The following NCAM2 variants were observed in gnomAD, a reference collection of about 807,000 sequenced individuals.
The protein encoded by NCAM2 is neural cell adhesion molecule 2.
In NCAM2, 30 loss-of-function variants were observed where a neutral mutation model predicts 98.1. The ratio of observed to expected loss-of-function variants is 0.31; its 90% CI spans 0.23 to 0.41. NCAM2 has a LOEUF of 0.41. Ranked by LOEUF, NCAM2 falls within the 10% of genes least tolerant of loss-of-function variation. NCAM2 has a pLI of 1.00. For missense variants in NCAM2, 867 were observed against 1,005.8 expected (o/e 0.86, Z 1.87); for synonymous variants, 368 against 342.4 (o/e 1.07, Z -0.83).
intron 8 of NCAM2, among the ~76,000 whole-genome samples, chr21:21,354,671 A>G (rs538020823): frequency 6.6e-6 from 1 of 152,212 alleles, no homozygotes; most frequent in Non-Finnish European, 1.5e-5. Context: ...TGAGTGGGAC[A>G]TGTTTAAAGA....
At chr21:21,125,710 T>TAGAGAGAG (rs1239749765) in intron 1 of NCAM2, among the ~76,000 whole-genome samples, 72 of 32,288 alleles carry the variant, frequency 2.2e-3, no homozygotes, top group Admixed American at 0.021. Context: ...TACATATATA[T>TAGAGAGAG]ATATAGAGAG....
At chr21:21,439,230 TGCCTCA>T (rs1311618091) in intron 12 of NCAM2, among the ~76,000 whole-genome samples, 1 of 151,948 alleles carries the variant, frequency 6.6e-6, no homozygotes, top group East Asian at 1.9e-4. Context: ...GCAATTCTCC[TGCCTCA>T]GCCTCCTGAG....
At chr21:21,379,996 G>T (rs1441366061) in intron 9 of NCAM2, among the ~76,000 whole-genome samples, 2 of 152,030 alleles carry the variant, frequency 1.3e-5, no homozygotes, top group Non-Finnish European at 2.9e-5. Flanking sequence ...GGGCGGCTAG[G>T]CCAGTCTAGT....
chr21:21,186,608 T>G (rs2068648001), intron 1 of NCAM2, among the ~76,000 whole-genome samples: 1 of 152,146 alleles, frequency 6.6e-6, no homozygotes, highest in African/African-American at 2.4e-5. Flanking sequence ...ATGTAAGTGT[T>G]TAAAATAATT....
intron 5 of NCAM2, among the ~76,000 whole-genome samples, chr21:21,311,497 C>G (rs4468900): frequency 6.6e-6 from 1 of 151,914 alleles, no homozygotes. Flanking sequence ...CCCGCCACCA[C>G]GCCCAGCTAA....
At chr21:21,384,542 G>A (rs536652951) in intron 9 of NCAM2, among the ~76,000 whole-genome samples, 4 of 151,820 alleles carry the variant, frequency 2.6e-5, no homozygotes, top group South Asian at 4.1e-4. Flanking sequence ...TCTACCTCAC[G>A]TTTCCAAACT....
At chr21:21,075,078 A>G (rs747698106) in intron 1 of NCAM2, among the ~76,000 whole-genome samples, 11 of 152,170 alleles carry the variant, frequency 7.2e-5, no homozygotes, top group Non-Finnish European at 1.5e-4. Flanking sequence ...TCAGCAAACT[A>G]ACACAGGGAC....
At chr21:21,496,047 C>T (rs1460725017) in intron 15 of NCAM2, among the ~76,000 whole-genome samples, 2 of 148,122 alleles carry the variant, frequency 1.4e-5, no homozygotes, top group Non-Finnish European at 3.0e-5. Context: ...GAAAACATGC[C>T]CTTTAACAAA....
intron 1 of NCAM2, among the ~76,000 whole-genome samples, chr21:21,137,628 G>A (rs1036435788): frequency 1.3e-5 from 2 of 152,116 alleles, no homozygotes; most frequent in African/African-American, 4.8e-5. Context: ...CATGGTGGTG[G>A]ATGCCTGTAA....
intron 15 of NCAM2, among the ~76,000 whole-genome samples, chr21:21,492,240 A>G (rs961304269): frequency 6.6e-6 from 1 of 151,830 alleles, no homozygotes; most frequent in Non-Finnish European, 1.5e-5. Context: ...GTATTACACT[A>G]AATCAAAGTT....
In NCAM2 at chr21:21,135,951, T is replaced by G. The variant is rs1435500508; in HGVS notation, c.55+137333T>G. On this transcript the variant is annotated intron_variant, in intron 1 of 17. Transcript: ENST00000400546. ...TGTCCCATGTATTTAAAAAAAATTGTTATGACATCATTTGACTTCTAGTTA... is the reference window on the plus strand; with the variant it reads ...TGTCCCATGTATTTAAAAAAAATTGGTATGACATCATTTGACTTCTAGTTA... 4.6e-5 allele frequency among the ~76,000 whole-genome samples: 7 copies of G among 152,082 alleles called. No individual in the cohort carries two copies. In the East Asian group the frequency reaches 1.3e-3, roughly 29 times the overall value.
chr21:21,124,099 GGC>G (rs2066737342), intron 1 of NCAM2, among the ~76,000 whole-genome samples: 1 of 151,716 alleles, frequency 6.6e-6, no homozygotes, highest in Non-Finnish European at 1.5e-5. Context: ...GGCCCACCTC[GGC>G]GTCCCATAAT....
chr21:21,425,961 G>A (rs1323190815), intron 11 of NCAM2, among the ~76,000 whole-genome samples: 1 of 152,106 alleles, frequency 6.6e-6, no homozygotes, highest in Non-Finnish European at 1.5e-5. Flanking sequence ...GGAAATTCAA[G>A]ATCAAGGCAC....
chr21:21,085,130 T>A (rs967921598), intron 1 of NCAM2, among the ~76,000 whole-genome samples: 1 of 152,100 alleles, frequency 6.6e-6, no homozygotes, highest in Non-Finnish European at 1.5e-5. Flanking sequence ...TTAAAGCCTG[T>A]ACAAAAATCT....
intron 15 of NCAM2, among the ~76,000 whole-genome samples, chr21:21,497,888 T>TA (rs1327248004): frequency 2.0e-5 from 3 of 152,156 alleles, no homozygotes; most frequent in African/African-American, 7.2e-5. Flanking sequence ...AGCCTTTTTT[T>TA]ATTTATTTAA....
At chr21:21,263,200 A>G (rs1350536444) in intron 1 of NCAM2, among the ~76,000 whole-genome samples, 2 of 152,146 alleles carry the variant, frequency 1.3e-5, no homozygotes, top group African/African-American at 4.8e-5. Context: ...TTGCATTTCT[A>G]TATGCCAACA....
At position 21,410,495 on chromosome 21, in the gene NCAM2, T is replaced by C. The variant is rs756345251; in HGVS notation, c.1383+34T>C. On this transcript the variant is annotated intron_variant, in intron 10 of 17. Coordinates refer to ENST00000400546, the MANE Select transcript of NCAM2 (RefSeq NM_004540.5). Reference sequence around the variant, plus strand: ...ACATGTATACATCAATAAATTGTATTATTTTAACAACTATCTACTATTTCA... The same window carrying C: ...ACATGTATACATCAATAAATTGTATCATTTTAACAACTATCTACTATTTCA... The C allele has an allele frequency of 4.1e-6, 5 of 1,225,856 alleles. No homozygotes were observed. In the African/African-American group the frequency reaches 7.8e-5, roughly 19 times the overall value. 75.9% of individuals were successfully genotyped at this position (1,225,856 alleles called of 1,614,324 possible). A position where few individuals can be genotyped will look rare whatever the true frequency, so the allele number is the denominator to read the frequency against.
chr21:21,537,808 AC>A (rs781296043), intron 17 of NCAM2, 37 bp from the exon 18 acceptor site: 24 of 1,115,692 alleles, frequency 2.2e-5, no homozygotes, highest in Non-Finnish European at 3.0e-5. Flanking sequence ...CTCCTTAAAT[AC>A]CTCAGAAAAT....
At chr21:21,512,460 T>C (rs1988449307) in intron 16 of NCAM2, among the ~76,000 whole-genome samples, 1 of 152,226 alleles carries the variant, frequency 6.6e-6, no homozygotes, top group South Asian at 2.1e-4. Context: ...TCTGTTTTTA[T>C]GCCAGTAGCA....
Sources: gnomAD v4.1 joint callset for allele counts (sites outside exome capture counted in the v4.1 genomes callset) on GRCh38, gnomAD v4.1.1 for gene constraint, MANE v1.5 for transcripts, NCBI Gene and HGNC (gene_info 2026-07-23, HGNC 2026-07-21) for gene names.